The following RPS6KC1 variants were observed in gnomAD, a reference collection of about 807,000 sequenced individuals.
RPS6KC1 encodes the protein inactive ribosomal protein S6 kinase delta-1.
In RPS6KC1, 54 loss-of-function variants were observed where a neutral mutation model predicts 103.8. The observed-to-expected ratio is 0.52, with a 90% confidence interval of 0.42 to 0.65. RPS6KC1 has a LOEUF of 0.65. Among genes scored for constraint, RPS6KC1 ranks in the 30% least tolerant of loss-of-function variants. RPS6KC1 has a pLI of 0.00. For synonymous variants in RPS6KC1, 439 were observed against 438.7 expected (o/e 1.00, Z -0.01); for missense variants, 1,151 against 1,253.8 (o/e 0.92, Z 1.24).
In RPS6KC1 at chr1:213,159,472, G is replaced by A. The variant is rs139553413; in HGVS notation, c.836-8386G>A. Among the ~76,000 whole-genome samples the A allele has an allele frequency of 4.6e-5, 7 of 152,272 alleles. No individual in the cohort carries two copies. In the East Asian group the frequency reaches 1.3e-3, roughly 29 times the overall value. On this transcript the variant is annotated intron_variant, in intron 6 of 14. Coordinates refer to ENST00000366960, the MANE Select transcript of RPS6KC1 (RefSeq NM_012424.6). The stretch of plus-strand genomic sequence containing the variant: ...GAGCATCTAAAATAACCACTTGCAC[G>A]TTGCAACAAACACATCATCATTTGC...
the RPS6KC1 span, among the ~76,000 whole-genome samples, chr1:213,761,935 A>T: frequency 1.4e-5 from 2 of 142,014 alleles, no homozygotes; most frequent in Non-Finnish European, 3.1e-5. Context: ...TTCTATTCAG[A>T]TATATCTAGA....
intron 11 of RPS6KC1, 39 bp from the exon 12 acceptor site, chr1:213,242,530 A>G (rs935299881): frequency 6.6e-7 from 1 of 1,509,270 alleles, no homozygotes. Context: ...AAAATGGAAG[A>G]GAAAAATGTT....
At chr1:213,103,430 A>G (rs923670016) in intron 3 of RPS6KC1, among the ~76,000 whole-genome samples, 4 of 152,166 alleles carry the variant, frequency 2.6e-5, no homozygotes, top group African/African-American at 9.7e-5. Flanking sequence ...CATTTCCTAC[A>G]TTTTAAAAAT....
chr1:213,112,730 A>G (rs1558340462), intron 4 of RPS6KC1, among the ~76,000 whole-genome samples: 1 of 151,456 alleles, frequency 6.6e-6, no homozygotes. Context: ...CCACCCCACA[A>G]CAGTCCCCAG....
At chr1:213,861,643 C>T in the RPS6KC1 span, among the ~76,000 whole-genome samples, 1 of 152,196 alleles carries the variant, frequency 6.6e-6, no homozygotes, top group Non-Finnish European at 1.5e-5. Context: ...GCTGAATATG[C>T]ATTTACACCA....
the RPS6KC1 span, among the ~76,000 whole-genome samples, chr1:213,827,569 GA>G: frequency 0.018 from 2,612 of 148,898 alleles, 69 homozygotes; most frequent in African/African-American, 0.06. Context: ...CAACTTCAAA[GA>G]AAAAAAAAAG....
At chr1:213,362,291 G>T in the RPS6KC1 span, among the ~76,000 whole-genome samples, 10 of 152,152 alleles carry the variant, frequency 6.6e-5, no homozygotes, top group Admixed American at 2.6e-4. Context: ...AAGAAATTTT[G>T]CACACTTTTT....
chr1:213,240,325 G>A (rs556807809), intron 10 of RPS6KC1, among the ~76,000 whole-genome samples: 118 of 152,084 alleles, frequency 7.8e-4, no homozygotes, highest in African/African-American at 2.2e-3. Flanking sequence ...GGGGCCATGC[G>A]TGAAAAAATT....
chr1:213,488,418 C>A, the RPS6KC1 span, among the ~76,000 whole-genome samples: 1 of 152,328 alleles, frequency 6.6e-6, no homozygotes, highest in South Asian at 2.1e-4. Flanking sequence ...TGACAGATAT[C>A]CAACCCTTCT....
At chr1:213,360,138 A>G in the RPS6KC1 span, among the ~76,000 whole-genome samples, 2 of 152,198 alleles carry the variant, frequency 1.3e-5, no homozygotes, top group Admixed American at 1.3e-4. Flanking sequence ...CCTGTATAAT[A>G]TCCCGCAGAG....
the RPS6KC1 span, among the ~76,000 whole-genome samples, chr1:213,783,353 A>G: frequency 1.3e-5 from 2 of 152,128 alleles, no homozygotes; most frequent in East Asian, 1.9e-4. Flanking sequence ...TTTGATTGAC[A>G]CTTGAAACGC....
At chr1:213,778,228 G>T in the RPS6KC1 span, among the ~76,000 whole-genome samples, 1 of 152,176 alleles carries the variant, frequency 6.6e-6, no homozygotes, top group South Asian at 2.1e-4. Context: ...AAGGCCAAAT[G>T]AAATCACAAT....
chr1:213,073,339 G>T lies in RPS6KC1; in HGVS notation c.141+2298G>T, dbSNP rs142474263. ...AATACGCTAGCCTTATAAAATAGGA[G>T]AAATTTTGTTGTTTTTCTTTTATAT... is the stretch of plus-strand genomic sequence containing the variant. On this transcript the variant is annotated intron_variant, in intron 2 of 14. Transcript: ENST00000366960. 7.5e-3 allele frequency among the ~76,000 whole-genome samples: 1,137 copies of T among 152,330 alleles called. 52 individuals carry two copies. The highest frequency in any genetic ancestry group is 0.061 in the Admixed American group (934 of 15,302).
chr1:213,516,591 T>C, the RPS6KC1 span, among the ~76,000 whole-genome samples: 1 of 152,334 alleles, frequency 6.6e-6, no homozygotes, highest in Non-Finnish European at 1.5e-5. Flanking sequence ...TACTTGATCA[T>C]GGTGGATAAA....
intron 1 of RPS6KC1, among the ~76,000 whole-genome samples, chr1:213,057,030 T>C (rs2077386917): frequency 6.6e-6 from 1 of 152,036 alleles, no homozygotes; most frequent in Non-Finnish European, 1.5e-5. Context: ...GCCTTGACTT[T>C]GCAGGCTCAA....
At chr1:213,173,712 T>C (rs771752271) in intron 7 of RPS6KC1, among the ~76,000 whole-genome samples, 12 of 152,342 alleles carry the variant, frequency 7.9e-5, no homozygotes, top group Non-Finnish European at 1.6e-4. Flanking sequence ...TAAGAGAGTG[T>C]TTTATTGTTA....
chr1:213,631,379 A>AAAAC, the RPS6KC1 span, among the ~76,000 whole-genome samples: 1 of 13,784 alleles, frequency 7.3e-5, no homozygotes, highest in Non-Finnish European at 1.3e-4. Context: ...TTTCTATGCC[A>AAAAC]AAAAAAAAAA....
the RPS6KC1 span, among the ~76,000 whole-genome samples, chr1:213,450,333 ATTT>A: frequency 7.2e-6 from 1 of 138,032 alleles, no homozygotes. Flanking sequence ...GAGTTTGTAG[ATTT>A]TTTTTTTTTT....
At chr1:213,277,801 A>G (rs1223973958), downstream of RPS6KC1, among the ~76,000 whole-genome samples, 2 of 152,274 alleles carry the variant, frequency 1.3e-5, no homozygotes, top group African/African-American at 2.4e-5. Flanking sequence ...GTGGTAGGAA[A>G]GAATGACAAA....
Sources: allele counts gnomAD v4.1 joint callset (sites outside exome capture counted in the v4.1 genomes callset), GRCh38; gene constraint gnomAD v4.1.1; transcripts MANE v1.5; gene names NCBI Gene and HGNC (gene_info 2026-07-23, HGNC 2026-07-21).